BRWD3: variants seen among roughly 807,000 people sequenced by gnomAD.
BRWD3 encodes bromodomain and WD repeat domain containing 3.
Under a neutral mutation model 149.7 loss-of-function variants are expected in BRWD3, and 10 were observed. The ratio of observed to expected loss-of-function variants is 0.07; its 90% confidence interval spans 0.04 to 0.11. The LOEUF (loss-of-function observed/expected upper bound fraction) is 0.11, where lower values mean the gene tolerates loss of function less well. BRWD3 is among the 10% of genes least tolerant of loss of function. The pLI, the probability that BRWD3 is intolerant of heterozygous loss-of-function variation, is 1.00. For synonymous variants in BRWD3, 504 were observed against 456.7 expected (o/e 1.10, Z -1.32); for missense variants, 940 against 1,373.2 (o/e 0.68, Z 4.99).
chrX:80,721,522 A>G (rs1049468110), intron 17 of BRWD3, among the ~76,000 whole-genome samples: 5 of 111,779 alleles, frequency 4.5e-5, no homozygotes, highest in Non-Finnish European at 9.4e-5. Flanking sequence ...CTACTTGCAA[A>G]TCAGTAACTT....
At chrX:80,702,919 C>T (rs868605634) in intron 24 of BRWD3, among the ~76,000 whole-genome samples, 2 of 111,368 alleles carry the variant, frequency 1.8e-5, no homozygotes, top group South Asian at 3.7e-4. Flanking sequence ...TTCTAATGTT[C>T]CAATGTTACG....
At position 80,676,887 on chromosome X, in the gene BRWD3, T is replaced by C; in HGVS notation, c.5131A>G (p.Arg1711Gly). 8.3e-7 allele frequency: 1 copy of C among 1,209,282 alleles called. No individual in the cohort carries two copies. The highest frequency in any genetic ancestry group is 1.1e-6 in the Non-Finnish European group (1 of 894,101). The stretch of plus-strand genomic sequence containing the variant: ...CCTCTAGAAGCACCTCTTCCTCCTC[T>C]CCCTCTTCCCCTCCCCCTAGTGCCA... The part of the protein sequence containing the change: ...GGGTRGRGRG[R>G]GGRGASRGAT... The change falls in exon 41 of 41, where the codon AGA (arginine) becomes GGA (glycine). Residue 1711 changes from arginine (R) to glycine (G), a missense_variant. Around this residue, in one of 6 missense-constraint regions of BRWD3, gnomAD observed 349 missense variants for 419.6 expected, o/e 0.83. Coordinates refer to ENST00000373275, the MANE Select transcript of BRWD3 (RefSeq NM_153252.5).
In BRWD3 at chrX:80,710,102, A is replaced by AT. The variant is rs34297254; in HGVS notation, c.2326-526dup. The AT allele has an allele frequency of 3.3e-4, 221 of 671,964 alleles. 1 individual carries two copies. In the East Asian group the frequency reaches 6.4e-3, roughly 19 times the overall value. 55.4% of individuals were successfully genotyped at this position (671,964 alleles called of 1,213,427 possible). On this transcript the variant is annotated intron_variant, in intron 20 of 40. Transcript: ENST00000373275. ...GGAGCTTGCAGCTCATCAGAAAAAA[A>AT]TTCTCCATATTGACAAACATATTGG...
intron 6 of BRWD3, among the ~76,000 whole-genome samples, chrX:80,780,025 A>T (rs940287049): frequency 8.9e-6 from 1 of 111,732 alleles, no homozygotes; most frequent in African/African-American, 3.2e-5. Context: ...TGCAAAGTTC[A>T]CTTATATAAT....
chrX:80,692,181 T>C (rs374553482), intron 28 of BRWD3, 31 bp from the exon 29 acceptor site: 52 of 1,142,102 alleles, frequency 4.6e-5, no homozygotes, highest in Non-Finnish European at 5.7e-5. Context: ...GCAAATCAAA[T>C]TAATCATATA....
chrX:80,739,231 A>G (rs2073449672), intron 8 of BRWD3, among the ~76,000 whole-genome samples: 1 of 112,149 alleles, frequency 8.9e-6, no homozygotes. Context: ...GACACAAAGT[A>G]TAAGAGAAAG....
chrX:80,698,362 T>C (rs1253848004), intron 25 of BRWD3, among the ~76,000 whole-genome samples: 4 of 112,124 alleles, frequency 3.6e-5, no homozygotes, highest in Non-Finnish European at 5.6e-5. Context: ...CAAGCTCTTT[T>C]ACCACATATA....
At chrX:80,767,739 G>A (rs1413395660) in intron 6 of BRWD3, among the ~76,000 whole-genome samples, 1 of 112,261 alleles carries the variant, frequency 8.9e-6, no homozygotes, top group Non-Finnish European at 1.9e-5. Flanking sequence ...TTGACAAGCT[G>A]ACAGAAGTAG....
At chrX:80,792,477 G>A (rs1229573300) in intron 5 of BRWD3, among the ~76,000 whole-genome samples, 2 of 111,664 alleles carry the variant, frequency 1.8e-5, no homozygotes, top group African/African-American at 6.5e-5. Flanking sequence ...TCTCTTTCAT[G>A]TTTAAGTCAA....
In BRWD3 at chrX:80,686,382, T is replaced by C. The variant is rs764096423; in HGVS notation, c.4005+481A>G. On this transcript the variant is annotated intron_variant, in intron 35 of 40. Transcript: ENST00000373275. The stretch of plus-strand genomic sequence containing the variant: ...CATATGTATACGTATGTAACAAACC[T>C]GCACGTTGTGCACATGTACCCTAGA... 2.8e-4 allele frequency among the ~76,000 whole-genome samples: 31 copies of C among 108,780 alleles called. No individual in the cohort carries two copies. The Middle Eastern group carries it at 0.019, about 67-fold the overall frequency. The allele number at this position is 108,780 out of a possible 115,157, so 94.5% of individuals were successfully genotyped here. A position where few individuals can be genotyped will look rare whatever the true frequency, so the allele number is the denominator to read the frequency against.
At chrX:80,721,224 T>C (rs1480346175) in intron 17 of BRWD3, among the ~76,000 whole-genome samples, 3 of 112,269 alleles carry the variant, frequency 2.7e-5, no homozygotes, top group Non-Finnish European at 5.6e-5. Context: ...TCTTGTCCTC[T>C]AGTCAGATTT....
chrX:80,677,505 A>C, intron 40 of BRWD3, 142 bp from the exon 41 acceptor site: 1 of 882,199 alleles, frequency 1.1e-6, no homozygotes. Context: ...AAATTTCTTC[A>C]AAATAGAAGA....
intron 4 of BRWD3, among the ~76,000 whole-genome samples, chrX:80,801,199 G>A (rs2074291649): frequency 9.6e-6 from 1 of 104,645 alleles, no homozygotes; most frequent in South Asian, 4.2e-4. Flanking sequence ...GATACTAAGG[G>A]GCATGAGAAA....
intron 12 of BRWD3, chrX:80,733,166 A>T: frequency 4.6e-6 from 1 of 217,023 alleles, no homozygotes. Context: ...ACACTGGCAG[A>T]GATGGACAGG....
chrX:80,726,608 A>T (rs890718773), intron 14 of BRWD3, among the ~76,000 whole-genome samples: 62 of 110,478 alleles, frequency 5.6e-4, no homozygotes, highest in African/African-American at 1.9e-3. Context: ...CGTCTAAAAA[A>T]ATGATCATAT....
Position 80,670,616 on chromosome X carries a change from C to G in BRWD3, c.*5993G>C, listed in dbSNP as rs7065450. 0.16 allele frequency among the ~76,000 whole-genome samples: 17,870 copies of G among 109,484 alleles called. 1,155 individuals are homozygous for G. Among genetic ancestry groups the G allele is most frequent in the South Asian group, 0.43 (1,061 of 2,494 alleles). On this transcript the variant is annotated 3_prime_UTR_variant, in exon 41 of 41. Coordinates refer to ENST00000373275, the MANE Select transcript of BRWD3 (RefSeq NM_153252.5). ...AAATTGTTTTGTAGATACGGTGTCT[C>G]ACTATGCTGCCCAGGCTGGTCTTGA...
chrX:80,733,395 G>C, intron 12 of BRWD3, 61 bp downstream of exon 12: 1 of 922,203 alleles, frequency 1.1e-6, no homozygotes, highest in Non-Finnish European at 1.6e-6. Context: ...AGCTGCATCT[G>C]AGGGAATGGT....
rs989131166 is a variant in BRWD3 at position 80,755,012 on chromosome X, T to TA, written c.431-9284dup. On this transcript the variant is annotated intron_variant, in intron 6 of 40. Transcript: ENST00000373275. Reference sequence around the variant, plus strand: ...AACAGAGCGAAACTCCGTCTCAAATTAAAAAAAAAAGGAATACTGAATTTT... The same window carrying TA: ...AACAGAGCGAAACTCCGTCTCAAATTAAAAAAAAAAAGGAATACTGAATTTT... Among the ~76,000 whole-genome samples the TA allele has an allele frequency of 3.1e-3, 323 of 105,752 alleles. 2 individuals carry two copies. The highest frequency in any genetic ancestry group is 0.011 in the African/African-American group (308 of 29,300). The allele number at this position is 105,752 out of a possible 115,157, so 91.8% of individuals were successfully genotyped here. A position where few individuals can be genotyped will look rare whatever the true frequency, so the allele number is the denominator to read the frequency against.
chrX:80,717,319 T>C (rs1373658518), intron 19 of BRWD3: 12 of 367,042 alleles, frequency 3.3e-5, no homozygotes, highest in Non-Finnish European at 5.2e-5. Flanking sequence ...TATTCTTTTC[T>C]TCTAATCTAG....
Sources: gnomAD v4.1 joint callset for allele counts (sites outside exome capture counted in the v4.1 genomes callset) on GRCh38, gnomAD v4.1.1 for gene constraint, gnomAD v4.1.1 regional missense constraint, MANE v1.5 for transcripts, NCBI Gene and HGNC (gene_info 2026-07-23, HGNC 2026-07-21) for gene names.